TDP1: variants seen among roughly 807,000 people sequenced by gnomAD.
TDP1 encodes tyr-DNA phosphodiesterase 1.
TDP1 carries 64 observed loss-of-function variants against 81.5 expected under a neutral mutation model. The observed-to-expected ratio is 0.79, with a 90% CI of 0.64 to 0.97. TDP1 has a LOEUF of 0.97. TDP1 is among the 50% of genes least tolerant of loss of function. TDP1 has a pLI of 0.00. For synonymous variants in TDP1, 256 were observed against 264.3 expected (o/e 0.97, Z 0.30); for missense variants, 723 against 743.8 (o/e 0.97, Z 0.33).
At chr14:89,973,015 A>G (rs1050180747) in intron 6 of TDP1, among the ~76,000 whole-genome samples, 14 of 152,078 alleles carry the variant, frequency 9.2e-5, no homozygotes, top group African/African-American at 3.4e-4. Context: ...TATATATGAT[A>G]TCTTTGTATT....
chr14:90,037,290 C>T (rs1402032369), intron 16 of TDP1, among the ~76,000 whole-genome samples: 1 of 152,142 alleles, frequency 6.6e-6, no homozygotes, highest in East Asian at 1.9e-4. Flanking sequence ...CTTATATTCA[C>T]TTTGTTATCT....
chr14:90,012,101 C>T (rs1297516812), intron 14 of TDP1, among the ~76,000 whole-genome samples: 2 of 152,202 alleles, frequency 1.3e-5, no homozygotes, highest in African/African-American at 4.8e-5. Context: ...CTAAAAGGTG[C>T]CAACATACAG....
intron 10 of TDP1, chr14:89,988,464 A>G: frequency 4.8e-6 from 2 of 413,908 alleles, no homozygotes; most frequent in South Asian, 1.0e-4. Context: ...AAGACTTCAC[A>G]TTGGAGATCC....
chr14:89,970,838 T>A lies in TDP1; in HGVS notation c.660-337T>A, dbSNP rs34332017. 13,435 of 745,156 alleles carry A rather than the reference T, an allele frequency of 0.018. 1,335 individuals carry two copies. In the African/African-American group the frequency reaches 0.21, roughly 12 times the overall value. The allele number at this position is 745,156 out of a possible 1,614,324, so 46.2% of individuals were successfully genotyped here. ...AATGATGTATTTTAATTAATTTATTTATTTATTTATTTATTTTTGAGACAG... is the reference window on the plus strand; with the variant it reads ...AATGATGTATTTTAATTAATTTATTAATTTATTTATTTATTTTTGAGACAG... On this transcript the variant is annotated intron_variant, in intron 5 of 16. Transcript: ENST00000335725.
intron 14 of TDP1, among the ~76,000 whole-genome samples, chr14:90,003,916 T>C (rs1897402112): frequency 6.6e-6 from 1 of 152,184 alleles, no homozygotes; most frequent in Non-Finnish European, 1.5e-5. Flanking sequence ...AAATCATCTC[T>C]TTTTGTTCTC....
chr14:89,971,128 G>T, intron 5 of TDP1, 47 bp from the exon 6 acceptor site: 1 of 1,537,826 alleles, frequency 6.5e-7, no homozygotes, highest in Non-Finnish European at 9.0e-7. Flanking sequence ...GAGCCACTGA[G>T]CCTGGCCATG....
chr14:89,984,381 C>A, intron 8 of TDP1, 135 bp from the exon 9 acceptor site: 14 of 1,563,484 alleles, frequency 9.0e-6, no homozygotes, highest in Non-Finnish European at 1.1e-5. Flanking sequence ...ATTTATGTTT[C>A]ATGTTTCCTA....
At chr14:89,983,900 TTGTAA>T (rs1331983894) in intron 8 of TDP1, among the ~76,000 whole-genome samples, 2 of 152,238 alleles carry the variant, frequency 1.3e-5, no homozygotes, top group African/African-American at 4.8e-5. Context: ...TTTGAGGTTA[TTGTAA>T]TGTCACTGAA....
chr14:89,980,768 A>G (rs1894886986), intron 8 of TDP1, 136 bp downstream of exon 8: 1 of 768,588 alleles, frequency 1.3e-6, no homozygotes, highest in South Asian at 1.6e-5. Context: ...AAAGAGTTGT[A>G]TGCAGAAAAA....
At chr14:90,031,473 A>G (rs545332992) in intron 15 of TDP1, among the ~76,000 whole-genome samples, 2 of 152,092 alleles carry the variant, frequency 1.3e-5, no homozygotes, top group African/African-American at 2.4e-5. Context: ...CCTGAACAAC[A>G]TGGTGAATCC....
At chr14:90,013,068 A>C (rs150599568) in intron 14 of TDP1, among the ~76,000 whole-genome samples, 1 of 152,184 alleles carries the variant, frequency 6.6e-6, no homozygotes, top group East Asian at 1.9e-4. Flanking sequence ...GCCTGTACCC[A>C]CATTGTATTT....
Position 89,984,599 on chromosome 14 carries a change from TC to T in TDP1, c.969del (p.Ile324SerfsTer4). The T allele has an allele frequency of 6.2e-7, 1 of 1,614,096 alleles. No individual in the cohort carries two copies. Among genetic ancestry groups the T allele is most frequent in the Non-Finnish European group, 8.5e-7 (1 of 1,179,982 alleles). ...GESPTHFKAD[L>X]ISYLMAYNAP... is the part of the protein sequence containing the mutation. Reference sequence around the variant, plus strand: ...TCGCCAACACATTTTAAAGCTGATCTCATCAGTTACTTGATGGCTTATAATG... The same window carrying T: ...TCGCCAACACATTTTAAAGCTGATCTATCAGTTACTTGATGGCTTATAATG... On this transcript the variant is annotated frameshift_variant, in exon 9 of 17. Transcript: ENST00000335725. LOFTEE classifies it high-confidence loss of function.
At chr14:89,993,639 G>A (rs1039562778) in intron 14 of TDP1, among the ~76,000 whole-genome samples, 156 bp downstream of exon 14, 2 of 152,122 alleles carry the variant, frequency 1.3e-5, no homozygotes, top group Non-Finnish European at 2.9e-5. Flanking sequence ...GGCATCCCAT[G>A]ACTAATCCCT....
intron 8 of TDP1, among the ~76,000 whole-genome samples, chr14:89,982,567 T>C (rs1429498334): frequency 1.3e-5 from 2 of 152,184 alleles, no homozygotes; most frequent in East Asian, 3.8e-4. Flanking sequence ...AAGCTTAGCT[T>C]ACAGGCAGTA....
chr14:90,011,624 T>C (rs1187038117), intron 14 of TDP1, among the ~76,000 whole-genome samples: 1 of 152,208 alleles, frequency 6.6e-6, no homozygotes, highest in Non-Finnish European at 1.5e-5. Flanking sequence ...TCAAGGAGAC[T>C]GGTGGCATTT....
Position 89,980,541 on chromosome 14 carries a change from A to C in TDP1, c.793A>C (p.Lys265Gln), listed in dbSNP as rs759132603. The change falls in exon 8 of 17, where the codon AAA becomes CAA. Residue 265 changes from lysine to glutamine, a missense_variant and splice_region_variant. Transcript: ENST00000335725. ...TTTGATCCTTTGCTGTTTTTAAAGG[A>C]AAATGATGCTGCTGCTCTATGAAGA... ...LDIAFGTHHT[K>Q]MMLLLYEEGL... 2 of 1,613,532 alleles carry C rather than the reference A, an allele frequency of 1.2e-6. No individual in the cohort carries two copies. Among genetic ancestry groups the C allele is most frequent in the Non-Finnish European group, 1.7e-6 (2 of 1,179,460 alleles).
chr14:90,028,692 C>CT (rs909801795), intron 15 of TDP1, among the ~76,000 whole-genome samples: 1 of 151,944 alleles, frequency 6.6e-6, no homozygotes, highest in African/African-American at 2.4e-5. Context: ...GAAAGTAGTA[C>CT]TTTTTTTTGT....
intron 14 of TDP1, among the ~76,000 whole-genome samples, chr14:90,000,955 T>A (rs1897136210): frequency 6.6e-6 from 1 of 152,128 alleles, no homozygotes; most frequent in South Asian, 2.1e-4. Flanking sequence ...GTATGTAGAG[T>A]TGTTAAAAAT....
intron 16 of TDP1, among the ~76,000 whole-genome samples, chr14:90,035,390 C>A (rs957873082): frequency 5.9e-5 from 9 of 151,788 alleles, no homozygotes; most frequent in African/African-American, 2.2e-4. Context: ...ATGCATATTT[C>A]GTTTTCGGTA....
Sources: gnomAD v4.1 joint callset for allele counts (sites outside exome capture counted in the v4.1 genomes callset) on GRCh38, gnomAD v4.1.1 for gene constraint, MANE v1.5 for transcripts, NCBI Gene and HGNC (gene_info 2026-07-23, HGNC 2026-07-21) for gene names.